The following CHRM5 variants were observed in gnomAD, a reference collection of about 807,000 sequenced individuals.
The protein encoded by CHRM5 is cholinergic receptor muscarinic 5, also known as muscarinic acetylcholine receptor M5.
In CHRM5, 18 loss-of-function variants were observed where a neutral mutation model predicts 39.0. The ratio of observed to expected loss-of-function variants is 0.46; its 90% CI spans 0.32 to 0.68. CHRM5 has a LOEUF of 0.68. Among genes scored for constraint, CHRM5 ranks in the 30% least tolerant of loss-of-function variants. The pLI is 0.04. For synonymous variants in CHRM5, 241 were observed against 246.3 expected (o/e 0.98, Z 0.20); for missense variants, 515 against 651.1 (o/e 0.79, Z 2.28).
chr15:34,064,365 CTG>C lies in CHRM5; in HGVS notation c.*50_*51del. 6.5e-7 allele frequency: 1 copy of C among 1,539,242 alleles called. No homozygotes were observed. Among genetic ancestry groups the C allele is most frequent in the Non-Finnish European group, 8.7e-7 (1 of 1,144,768 alleles). ...GAACAATGACCACAGTCAACATCCT[CTG>C]AGGATGAGCAAGCTGATTCTGGTTT... is the stretch of plus-strand genomic sequence containing the variant. On this transcript the variant is annotated 3_prime_UTR_variant, in exon 3 of 3. Coordinates refer to ENST00000383263, the MANE Select transcript of CHRM5 (RefSeq NM_012125.4).
chr15:33,970,853 T>A (rs1895606613), intron 1 of CHRM5, among the ~76,000 whole-genome samples: 1 of 151,992 alleles, frequency 6.6e-6, no homozygotes, highest in Admixed American at 6.6e-5. Context: ...TAACTCACCT[T>A]CTAATGACAA....
chr15:33,971,832 T>C (rs891650459), intron 1 of CHRM5, among the ~76,000 whole-genome samples: 5 of 152,108 alleles, frequency 3.3e-5, no homozygotes, highest in Non-Finnish European at 7.4e-5. Context: ...TGACCAAATT[T>C]GAATAAGGAT....
At chr15:33,997,552 A>G (rs998674109) in intron 1 of CHRM5, among the ~76,000 whole-genome samples, 6 of 152,008 alleles carry the variant, frequency 3.9e-5, no homozygotes, top group Admixed American at 3.9e-4. Context: ...CCAAATCTCA[A>G]CGTCAAACAT....
intron 1 of CHRM5, chr15:33,972,503 A>AAAAAAAC (rs1555511831): frequency 2.0e-5 from 3 of 151,628 alleles, no homozygotes; most frequent in Admixed American, 6.6e-5. Flanking sequence ...TGGATTTGTT[A>AAAAAAAC]AAAAACAAAA....
intron 1 of CHRM5, among the ~76,000 whole-genome samples, chr15:33,993,109 G>A (rs903160449): frequency 2.6e-5 from 4 of 152,238 alleles, no homozygotes; most frequent in Non-Finnish European, 5.9e-5. Flanking sequence ...ATCTTGAAAG[G>A]AACAGACAAT....
At chr15:34,031,129 G>A (rs1017821036) in intron 1 of CHRM5, among the ~76,000 whole-genome samples, 1 of 119,038 alleles carries the variant, frequency 8.4e-6, no homozygotes, top group Non-Finnish European at 1.8e-5. Flanking sequence ...GTTTTTTTTT[G>A]TAACAGCCTA....
intron 2 of CHRM5, among the ~76,000 whole-genome samples, chr15:34,058,530 AG>A (rs1900232815): frequency 6.8e-6 from 1 of 148,052 alleles, no homozygotes; most frequent in South Asian, 2.2e-4. Context: ...CAGCATAATA[AG>A]GAAGTTCTCT....
intron 1 of CHRM5, among the ~76,000 whole-genome samples, chr15:34,039,328 G>A (rs569274779): frequency 6.6e-6 from 1 of 151,972 alleles, no homozygotes; most frequent in African/African-American, 2.4e-5. Flanking sequence ...GGATTCTCAA[G>A]GCATCAGAGA....
At chr15:34,016,375 T>C (rs1000384685) in intron 1 of CHRM5, among the ~76,000 whole-genome samples, 2 of 152,252 alleles carry the variant, frequency 1.3e-5, no homozygotes, top group East Asian at 1.9e-4. Flanking sequence ...ACAATACTAA[T>C]AGACACTGAG....
intron 2 of CHRM5, among the ~76,000 whole-genome samples, chr15:34,054,067 C>T (rs1329684545): frequency 3.3e-5 from 5 of 151,840 alleles, no homozygotes; most frequent in African/African-American, 9.7e-5. Flanking sequence ...GGCCAAAAAA[C>T]GTGAAAAAAA....
At chr15:34,025,139 C>T (rs2140733914) in intron 1 of CHRM5, among the ~76,000 whole-genome samples, 1 of 152,156 alleles carries the variant, frequency 6.6e-6, no homozygotes, top group African/African-American at 2.4e-5. Flanking sequence ...CACTGCACTC[C>T]ACCCTGGGCG....
chr15:33,991,538 T>G (rs1000982441), intron 1 of CHRM5: 2 of 150,346 alleles, frequency 1.3e-5, no homozygotes, highest in Non-Finnish European at 2.9e-5. Context: ...CTGAGGATGC[T>G]CAAATGAAAT....
At chr15:33,995,235 G>A (rs1206323685) in intron 1 of CHRM5, among the ~76,000 whole-genome samples, 1 of 152,160 alleles carries the variant, frequency 6.6e-6, no homozygotes, top group Non-Finnish European at 1.5e-5. Flanking sequence ...CTGCACTCCA[G>A]CCTGGGTGAC....
Position 34,063,663 on chromosome 15 carries a change from G to T in CHRM5, c.946G>T (p.Ala316Ser), listed in dbSNP as rs141362421. Reference protein sequence around the residue: ...YPSSEDEDKPATDPVLQVVYK... With the variant: ...YPSSEDEDKPSTDPVLQVVYK... ...TTCCTCAGAGGATGAGGACAAGCCC[G>T]CCACTGACCCTGTCCTCCAAGTGGT... Residue 316 changes from alanine to serine, a missense_variant, in exon 3 of 3, where the codon GCC becomes TCC. By Grantham distance (99) the Ala-to-Ser change is moderately conservative (BLOSUM62 1). Coordinates refer to ENST00000383263, the MANE Select transcript of CHRM5 (RefSeq NM_012125.4). The surrounding 1 kb of genome is among the most constrained non-coding windows in gnomAD (Gnocchi z 4.1). The T allele has an allele frequency of 2.5e-6, 4 of 1,614,034 alleles. No homozygotes were observed. The highest frequency in any genetic ancestry group is 3.4e-6 in the Non-Finnish European group (4 of 1,180,036).
At chr15:34,018,235 A>C (rs1898033500) in intron 1 of CHRM5, 1 of 152,190 alleles carries the variant, frequency 6.6e-6, no homozygotes, top group African/African-American at 2.4e-5. Flanking sequence ...CCAGTGGTAC[A>C]AGATGTGGAG....
In CHRM5 at chr15:34,064,063, T is replaced by C; in HGVS notation, c.1346T>C (p.Leu449Pro). 6.2e-7 allele frequency: 1 copy of C among 1,614,218 alleles called. No individual in the cohort carries two copies. Among genetic ancestry groups the C allele is most frequent in the South Asian group, 1.1e-5 (1 of 91,086 alleles). ...KAAQTLSAILLAFIITWTPYN... is the reference protein window; with the variant it reads ...KAAQTLSAILPAFIITWTPYN... ...GCCCAGACACTGAGTGCCATTCTCC[T>C]GGCCTTCATCATCACATGGACCCCG... Residue 449 changes from leucine (L) to proline (P), a missense_variant, in exon 3 of 3, where the codon CTG becomes CCG. Transcript: ENST00000383263.
At chr15:34,022,401 GAA>G (rs1294311971) in intron 1 of CHRM5, among the ~76,000 whole-genome samples, 1 of 152,184 alleles carries the variant, frequency 6.6e-6, no homozygotes, top group Non-Finnish European at 1.5e-5. Context: ...CATTAGGGAG[GAA>G]AAAATATTTA....
intron 2 of CHRM5, among the ~76,000 whole-genome samples, chr15:34,047,507 T>G (rs569233304): frequency 1.3e-5 from 2 of 152,258 alleles, no homozygotes; most frequent in African/African-American, 4.8e-5. Flanking sequence ...CCCACTTCCC[T>G]GGCACCTCAC....
chr15:34,048,837 G>A (rs1046414105), intron 2 of CHRM5, among the ~76,000 whole-genome samples: 1 of 152,188 alleles, frequency 6.6e-6, no homozygotes, highest in Non-Finnish European at 1.5e-5. Flanking sequence ...CCAAAGGAAG[G>A]AGCAGTCTGC....
Sources: allele counts gnomAD v4.1 joint callset (sites outside exome capture counted in the v4.1 genomes callset), GRCh38; gene constraint gnomAD v4.1.1; non-coding constraint Gnocchi (gnomAD v3.1); transcripts MANE v1.5; gene names NCBI Gene and HGNC (gene_info 2026-07-23, HGNC 2026-07-21).